The following PDE4D variants were observed in gnomAD, a reference collection of about 807,000 sequenced individuals.
PDE4D encodes the protein 3',5'-cyclic-AMP phosphodiesterase 4D.
PDE4D carries 24 observed loss-of-function variants against 87.4 expected under a neutral mutation model. That is an observed-to-expected ratio of 0.27 (90% CI 0.20 to 0.39). The LOEUF is 0.39. Ranked by LOEUF, PDE4D falls within the 10% of genes least tolerant of loss-of-function variation. The probability of loss-of-function intolerance (pLI) is 1.00; values close to 1 mark genes in which losing one functional copy is unlikely to be tolerated. For missense variants in PDE4D, 714 were observed against 1,041.0 expected (o/e 0.69, Z 4.32); for synonymous variants, 384 against 383.2 (o/e 1.00, Z -0.02).
Position 60,283,610 on chromosome 5 carries a change from G to C in PDE4D, c.-89-97923C>G, listed in dbSNP as rs200501918. Among the ~76,000 whole-genome samples the C allele has an allele frequency of 1.4e-4, 21 of 152,256 alleles. No homozygotes were observed. The East Asian group carries it at 3.9e-3, about 28-fold the overall frequency. ...AGATTGTACTAATTACAATTACTGC[G>C]AAGTTACATATGCATCATGAACTCA... On this transcript the variant is annotated intron_variant, in intron 1 of 16. Coordinates refer to the PDE4D transcript ENST00000502484.
At chr5:60,337,351 C>CTA (rs748923956) in intron 1 of PDE4D, among the ~76,000 whole-genome samples, 8,086 of 61,664 alleles carry the variant, frequency 0.13, 704 homozygotes, top group Non-Finnish European at 0.19. Context: ...AACAAACAAA[C>CTA]TATATATATA....
chr5:59,252,383 G>A (rs1443887877), intron 1 of PDE4D, among the ~76,000 whole-genome samples: 4 of 152,130 alleles, frequency 2.6e-5, no homozygotes. Context: ...CACTGGCTCT[G>A]CAACAGTGTG....
At position 60,026,165 on chromosome 5, in the gene PDE4D, G is replaced by A. The variant is rs76531718; in HGVS notation, c.43-37448C>T. ...GTGCAAAAATTACAGCATTAGTCAC[G>A]AAACAAAGATCACTATTCATATTTC... On this transcript the variant is annotated intron_variant, in intron 2 of 16. Transcript: ENST00000502484. Among the ~76,000 whole-genome samples, 1,067 of 152,190 alleles carry A rather than the reference G, an allele frequency of 7.0e-3. 10 individuals carry two copies. The highest frequency in any genetic ancestry group is 0.024 in the African/African-American group (1,013 of 41,530).
At chr5:59,269,758 T>C (rs1054186570) in intron 1 of PDE4D, among the ~76,000 whole-genome samples, 16 of 152,086 alleles carry the variant, frequency 1.1e-4, no homozygotes, top group Non-Finnish European at 1.9e-4. Context: ...TTCACACATA[T>C]CTATGTTTTT....
chr5:60,307,715 T>C (rs1023259275), intron 1 of PDE4D, among the ~76,000 whole-genome samples: 3 of 151,754 alleles, frequency 2.0e-5, no homozygotes, highest in African/African-American at 7.3e-5. Flanking sequence ...AATATTAGGT[T>C]GGTGCAAAAG....
chr5:59,443,107 T>G (rs1213072400), intron 1 of PDE4D, among the ~76,000 whole-genome samples: 1 of 152,178 alleles, frequency 6.6e-6, no homozygotes, highest in Non-Finnish European at 1.5e-5. Context: ...ACACAATAAA[T>G]TCTCAGTCAA....
chr5:59,659,438 G>A (rs954551863), intron 1 of PDE4D, among the ~76,000 whole-genome samples: 2 of 152,218 alleles, frequency 1.3e-5, no homozygotes, highest in African/African-American at 2.4e-5. Flanking sequence ...GGTTTCCTCT[G>A]TAAGCTAGCT....
At chr5:59,546,984 C>A (rs1817378299) in intron 1 of PDE4D, among the ~76,000 whole-genome samples, 1 of 152,098 alleles carries the variant, frequency 6.6e-6, no homozygotes, top group African/African-American at 2.4e-5. Flanking sequence ...ACAGCATAAC[C>A]AACAACAGTA....
chr5:60,474,150 A>ATATATATATATATATATATAT (rs1274940940), intron 1 of PDE4D, among the ~76,000 whole-genome samples: 2 of 96,382 alleles, frequency 2.1e-5, no homozygotes, highest in African/African-American at 6.7e-5. Flanking sequence ...ATATATATAT[A>ATATATATATATATATATATAT]ACAAAAACCT....
chr5:59,513,866 A>T (rs528942291), intron 1 of PDE4D, among the ~76,000 whole-genome samples: 6 of 152,336 alleles, frequency 3.9e-5, no homozygotes, highest in African/African-American at 1.4e-4. Context: ...TACAGGTTTA[A>T]ATCTCAGTAA....
chr5:59,463,945 G>T (rs1801150345), intron 1 of PDE4D, among the ~76,000 whole-genome samples: 1 of 152,178 alleles, frequency 6.6e-6, no homozygotes, highest in Non-Finnish European at 1.5e-5. Context: ...TGAAATATGT[G>T]CTGTGTCAAA....
Position 59,768,652 on chromosome 5 carries a change from C to A in PDE4D, c.455+124516G>T, listed in dbSNP as rs1337919488. The stretch of plus-strand genomic sequence containing the variant: ...CGCCTGCCTCAGTCTCTCTGTAGAG[C>A]CTGGGGCTGGGTGCAGAGGAGGCGA... On this transcript the variant is annotated intron_variant, in intron 1 of 14. Transcript: ENST00000340635. 13 of 1,507,990 alleles carry A rather than the reference C, an allele frequency of 8.6e-6. No homozygotes were observed. The East Asian group carries it at 2.5e-4, about 29-fold the overall frequency. 93.4% of individuals were successfully genotyped at this position (1,507,990 alleles called of 1,614,324 possible).
At chr5:60,299,891 A>C (rs989555625) in intron 1 of PDE4D, among the ~76,000 whole-genome samples, 1 of 152,158 alleles carries the variant, frequency 6.6e-6, no homozygotes, top group African/African-American at 2.4e-5. Context: ...TAATAGAATG[A>C]TTTATATTCC....
At chr5:59,774,129 T>C (rs1763846251) in intron 1 of PDE4D, among the ~76,000 whole-genome samples, 2 of 152,180 alleles carry the variant, frequency 1.3e-5, no homozygotes, top group South Asian at 2.1e-4. Context: ...CTTTTTACTA[T>C]GGAAAAATCA....
At chr5:59,526,097 G>C (rs1373374747) in intron 1 of PDE4D, among the ~76,000 whole-genome samples, 4 of 152,116 alleles carry the variant, frequency 2.6e-5, no homozygotes, top group Non-Finnish European at 5.9e-5. Flanking sequence ...CCTGTGCCCT[G>C]TGATGCACAA....
intron 1 of PDE4D, chr5:59,586,734 C>G (rs1022380290): frequency 6.1e-6 from 6 of 985,228 alleles, no homozygotes; most frequent in Non-Finnish European, 6.0e-6. Flanking sequence ...ATTAATGCAT[C>G]CTTAAGGAAG....
In PDE4D at chr5:59,299,982, C is replaced by T. The variant is rs1370923209; in HGVS notation, c.456-84014G>A. On this transcript the variant is annotated intron_variant, in intron 1 of 14. Transcript: ENST00000340635. ...AAAAAATTAGCCAGGCGTGGTGTCC[C>T]GTGCCTGTAGTCCCGGCTACTTGGG... Among the ~76,000 whole-genome samples, 5 of 151,924 alleles carry T rather than the reference C, an allele frequency of 3.3e-5. No individual in the cohort carries two copies. In the East Asian group the frequency reaches 9.7e-4, roughly 29 times the overall value.
chr5:59,614,123 T>C (rs1407770401), intron 1 of PDE4D, among the ~76,000 whole-genome samples: 3 of 152,188 alleles, frequency 2.0e-5, no homozygotes, highest in African/African-American at 7.2e-5. Flanking sequence ...AACTGCATAA[T>C]TTAAGTAAGT....
intron 2 of PDE4D, among the ~76,000 whole-genome samples, chr5:60,088,271 GA>G (rs970574732): frequency 3.5e-5 from 5 of 144,562 alleles, no homozygotes; most frequent in East Asian, 2.0e-4. Context: ...TCTTCAATCT[GA>G]AAAAAAAATG....
Sources: gnomAD v4.1 joint callset for allele counts (sites outside exome capture counted in the v4.1 genomes callset) on GRCh38, gnomAD v4.1.1 for gene constraint, MANE v1.5 for transcripts, NCBI Gene and HGNC (gene_info 2026-07-23, HGNC 2026-07-21) for gene names.